The following ECM2 variants were observed in gnomAD, a reference collection of about 807,000 sequenced individuals.
ECM2 encodes extracellular matrix protein 2.
ECM2 carries 57 observed loss-of-function variants against 67.5 expected under a neutral mutation model. The ratio of observed to expected loss-of-function variants is 0.84; its 90% confidence interval spans 0.68 to 1.05. The LOEUF is 1.05. Ranked by LOEUF, ECM2 falls within the 50% of genes least tolerant of loss-of-function variation. The pLI is 0.00. For synonymous variants in ECM2, 258 were observed against 294.5 expected, an observed-to-expected ratio of 0.88 and a Z score of 1.27; for missense variants, 741 against 822.8, an observed-to-expected ratio of 0.90 and a Z score of 1.22.
At position 92,496,341 on chromosome 9, in the gene ECM2, C is replaced by T. The variant is rs183564221; in HGVS notation, c.2074G>A (p.Val692Ile). Residue 692 changes from valine (V) to isoleucine (I), a missense_variant, in exon 10 of 10, where the codon GTT (valine) becomes ATT (isoleucine). Val to Ile is a conservative substitution (Grantham distance 29). Transcript: ENST00000344604. ...FSCIRSYSSI[V>I]LKPQNIK The stretch of plus-strand genomic sequence containing the variant: ...TACTTGATGTTTTGTGGTTTAAGAA[C>T]GATACTTGAGTATGATCTTATGCAT... The T allele has an allele frequency of 3.6e-5, 58 of 1,594,038 alleles. No homozygotes were observed. Among genetic ancestry groups the T allele is most frequent in the South Asian group, 1.9e-4 (16 of 86,120 alleles).
intron 1 of ECM2, among the ~76,000 whole-genome samples, chr9:92,529,099 G>A (rs1054886103): frequency 6.6e-6 from 1 of 152,162 alleles, no homozygotes; most frequent in Non-Finnish European, 1.5e-5. Flanking sequence ...GACAAGGGAT[G>A]AATAGCAGAT....
Position 92,522,729 on chromosome 9 carries a change from C to T in ECM2, c.138G>A (p.Lys46=). The T allele has an allele frequency of 6.2e-7, 1 of 1,614,114 alleles. No homozygotes were observed. Among genetic ancestry groups the T allele is most frequent in the East Asian group, 2.2e-5 (1 of 44,864 alleles). The stretch of plus-strand genomic sequence containing the variant: ...TTCCAAGCTGTCTGTTTGATCTGTG[C>T]TTGTGTGAGGTTGAACTTTTCCTCA... ...RRLRKSSTSH[K]HRSNRQLGIQ... is the part of the protein sequence containing the mutation. Residue 46 remains lysine, a synonymous_variant, in exon 2 of 10, where the codon AAG becomes AAA. Coordinates refer to ENST00000344604, the MANE Select transcript of ECM2 (RefSeq NM_001393.4).
chr9:92,503,978 C>T (rs765295549), intron 7 of ECM2, among the ~76,000 whole-genome samples: 2 of 152,174 alleles, frequency 1.3e-5, no homozygotes, highest in Non-Finnish European at 1.5e-5. Context: ...CATTTGTGCG[C>T]TTGTATGCCC....
chr9:92,495,959 A>G lies in ECM2; in HGVS notation c.*356T>C. The G allele has an allele frequency of 1.0e-6, 1 of 987,970 alleles. No homozygotes were observed. Among genetic ancestry groups the G allele is most frequent in the Non-Finnish European group, 1.2e-6 (1 of 831,710 alleles). 61.2% of individuals were successfully genotyped at this position (987,970 alleles called of 1,614,324 possible). On this transcript the variant is annotated 3_prime_UTR_variant, in exon 10 of 10. Coordinates refer to ENST00000344604, the MANE Select transcript of ECM2 (RefSeq NM_001393.4). ...TGAACCAAAAGATACATAATTTTTA[A>G]AGGGACTTACAGAGTTCTCAGCTAA... is the stretch of plus-strand genomic sequence containing the variant.
the ECM2 span, among the ~76,000 whole-genome samples, chr9:92,546,605 C>T: frequency 2.0e-5 from 3 of 152,176 alleles, no homozygotes; most frequent in African/African-American, 4.8e-5. Context: ...GAAAAAACTC[C>T]GAACACACTG....
chr9:92,493,907 A>C (rs183266211), downstream of ECM2: 88 of 454,360 alleles, frequency 1.9e-4, no homozygotes, highest in African/African-American at 1.7e-3. Flanking sequence ...GCAAGCCCAC[A>C]GTGCGTCTGC....
Position 92,502,635 on chromosome 9 carries a change from A to G in ECM2, c.1482T>C (p.Asn494=). The stretch of plus-strand genomic sequence containing the variant: ...TTTCAGTTATTTCTTCAATTTGGTT[A>G]TTTTCTAGGTATAATTCCTATAATT... ...PGSIEELYLE[N]NQIEEITEIC... is the part of the protein sequence containing the mutation. Residue 494 remains asparagine, a synonymous_variant, in exon 8 of 10, where the codon AAT becomes AAC. Transcript: ENST00000344604. The G allele has an allele frequency of 6.3e-7, 1 of 1,587,584 alleles. No homozygotes were observed. The highest frequency in any genetic ancestry group is 8.6e-7 in the Non-Finnish European group (1 of 1,158,714).
chr9:92,511,886 G>A, intron 5 of ECM2, 125 bp downstream of exon 5: 1 of 636,036 alleles, frequency 1.6e-6, no homozygotes, highest in South Asian at 2.2e-5. Context: ...CATCAGAGAG[G>A]AAACTTTCTT....
At chr9:92,513,843 T>C (rs1246727389) in intron 4 of ECM2, among the ~76,000 whole-genome samples, 1 of 152,210 alleles carries the variant, frequency 6.6e-6, no homozygotes, top group Non-Finnish European at 1.5e-5. Flanking sequence ...TGGTGGTGGT[T>C]ACATGACTAT....
intron 1 of ECM2, among the ~76,000 whole-genome samples, chr9:92,532,015 G>GTTTTTTTTGTTTTTTTTTT (rs1563990161): frequency 1.0e-5 from 1 of 95,736 alleles, no homozygotes; most frequent in Non-Finnish European, 1.9e-5. Context: ...TTTATTTAAT[G>GTTTTTTTTGTTTTTTTTTT]TTTTTTTTTT....
the ECM2 span, among the ~76,000 whole-genome samples, chr9:92,545,748 C>G: frequency 6.6e-6 from 1 of 152,194 alleles, no homozygotes; most frequent in African/African-American, 2.4e-5. Context: ...TTTGGAGAAC[C>G]TTTATGTCTA....
intron 2 of ECM2, among the ~76,000 whole-genome samples, chr9:92,518,078 G>A (rs947009430): frequency 5.3e-5 from 8 of 152,160 alleles, no homozygotes; most frequent in Admixed American, 6.5e-5. Context: ...GCCCTTTCAC[G>A]TAGGCTCTAA....
chr9:92,519,002 G>T (rs1165567467), intron 2 of ECM2, among the ~76,000 whole-genome samples: 2 of 152,178 alleles, frequency 1.3e-5, no homozygotes, highest in African/African-American at 4.8e-5. Flanking sequence ...TTAGAAAGCT[G>T]AGGAGAATAT....
chr9:92,555,322 G>A, the ECM2 span, among the ~76,000 whole-genome samples: 1 of 143,014 alleles, frequency 7.0e-6, no homozygotes, highest in Non-Finnish European at 1.5e-5. Context: ...TGCCTCCCAG[G>A]TTCAAGCGAT....
chr9:92,493,969 C>G, downstream of ECM2: 1 of 943,718 alleles, frequency 1.1e-6, no homozygotes, highest in Non-Finnish European at 1.6e-6. Flanking sequence ...TGAGGGTGGC[C>G]GTAGTCTCCT....
the ECM2 span, among the ~76,000 whole-genome samples, chr9:92,551,983 G>A: frequency 4.1e-4 from 23 of 56,228 alleles, 2 homozygotes; most frequent in African/African-American, 1.4e-3. Flanking sequence ...ATATGTGTGT[G>A]TATATATGTG....
chr9:92,500,102 A>G (rs1446732985), intron 9 of ECM2, among the ~76,000 whole-genome samples: 2 of 152,186 alleles, frequency 1.3e-5, no homozygotes, highest in African/African-American at 4.8e-5. Context: ...TTATACATGG[A>G]GGTAGGAGTA....
rs765634234 is a variant in ECM2, at chr9:92,518,578, A to T, written c.293-703T>A. 3.3e-5 allele frequency among the ~76,000 whole-genome samples: 5 copies of T among 152,160 alleles called. 1 individual carries two copies. Among genetic ancestry groups the T allele is most frequent in the Admixed American group, 3.3e-4 (5 of 15,278 alleles). On this transcript the variant is annotated intron_variant, in intron 2 of 9. Transcript: ENST00000344604. The stretch of plus-strand genomic sequence containing the variant: ...ATTATGCTATTGAAATATGATTCAC[A>T]TACTATAATATTCACCCTTTTGAAG...
intron 4 of ECM2, among the ~76,000 whole-genome samples, chr9:92,512,845 G>T (rs1847438892): frequency 1.3e-5 from 2 of 152,094 alleles, no homozygotes; most frequent in Admixed American, 6.6e-5. Context: ...CTTTTCCAAG[G>T]CTTTAGACTT....
Sources: gnomAD v4.1 joint callset for allele counts (sites outside exome capture counted in the v4.1 genomes callset) on GRCh38, gnomAD v4.1.1 for gene constraint, MANE v1.5 for transcripts, NCBI Gene and HGNC (gene_info 2026-07-23, HGNC 2026-07-21) for gene names.